The following RAB1A variants were observed in gnomAD, a reference collection of about 807,000 sequenced individuals.
RAB1A encodes ras-related protein Rab-1A.
A neutral mutation model predicts 26.0 loss-of-function variants in RAB1A; 2 were observed. The observed-to-expected ratio is 0.08, with a 90% CI of 0.03 to 0.24. The LOEUF (loss-of-function observed/expected upper bound fraction) is 0.24. Ranked by LOEUF, RAB1A falls within the 10% of genes least tolerant of loss-of-function variation. The probability of loss-of-function intolerance (pLI) is 1.00; values close to 1 mark genes in which losing one functional copy is unlikely to be tolerated. For synonymous variants in RAB1A, 84 were observed against 84.9 expected (o/e 0.99, Z 0.06); for missense variants, 100 against 247.0 (o/e 0.40, Z 3.99).
intron 2 of RAB1A, among the ~76,000 whole-genome samples, chr2:65,103,579 A>G (rs1669485983): frequency 6.6e-6 from 1 of 152,100 alleles, no homozygotes; most frequent in South Asian, 2.1e-4. Context: ...AGCCAATGTC[A>G]TCACTGAAAA....
chr2:65,095,232 G>A (rs1353784478), intron 3 of RAB1A, among the ~76,000 whole-genome samples: 3 of 151,950 alleles, frequency 2.0e-5, no homozygotes, highest in African/African-American at 7.3e-5. Context: ...ATGAGGTTTC[G>A]CCATGTTGCT....
intron 1 of RAB1A, among the ~76,000 whole-genome samples, chr2:65,106,138 A>G (rs1669552890): frequency 6.6e-6 from 1 of 151,426 alleles, no homozygotes; most frequent in Admixed American, 6.6e-5. Flanking sequence ...TCCTTCATGG[A>G]ACTAAGACAA....
chr2:65,125,941 G>T (rs1350349026), intron 1 of RAB1A, among the ~76,000 whole-genome samples: 1 of 133,518 alleles, frequency 7.5e-6, no homozygotes, highest in Admixed American at 8.5e-5. Flanking sequence ...GTGTGATCTC[G>T]GCTCACTGCA....
At chr2:65,091,779 T>C (rs113531980) in intron 3 of RAB1A, among the ~76,000 whole-genome samples, 1 of 152,000 alleles carries the variant, frequency 6.6e-6, no homozygotes, top group Non-Finnish European at 1.5e-5. Context: ...CCTAACTCAT[T>C]CTCCCAAAGT....
intron 3 of RAB1A, among the ~76,000 whole-genome samples, chr2:65,095,994 A>C (rs1227364573): frequency 3.3e-5 from 5 of 152,172 alleles, no homozygotes; most frequent in Non-Finnish European, 7.3e-5. Flanking sequence ...TCTACTAAAA[A>C]TACAAAAAAT....
Position 65,086,924 on chromosome 2 carries a change from T to C in RAB1A, c.*1569A>G, listed in dbSNP as rs1414237399. On this transcript the variant is annotated 3_prime_UTR_variant, in exon 6 of 6. Coordinates refer to ENST00000409784, the MANE Select transcript of RAB1A (RefSeq NM_004161.5). ...AAATTGAATATTCTGTCCATTTCAT[T>C]TTACAATTATCTTACCACTTATTTT... 1.3e-5 allele frequency: 2 copies of C among 152,638 alleles called. No homozygotes were observed. The highest frequency in any genetic ancestry group is 2.9e-5 in the Non-Finnish European group (2 of 68,036). 9.5% of individuals were successfully genotyped at this position (152,638 alleles called of 1,614,324 possible).
Position 65,119,195 on chromosome 2 carries a change from A to T in RAB1A, c.23+10698T>A, listed in dbSNP as rs144708974. On this transcript the variant is annotated intron_variant, in intron 1 of 5. Coordinates refer to ENST00000409784, the MANE Select transcript of RAB1A (RefSeq NM_004161.5). ...ACTCCAGCCTGGGTGACAGAGTGAG[A>T]CCCTGTCTCAAAAATAAAAAGTTCT... 6.4e-3 allele frequency among the ~76,000 whole-genome samples: 957 copies of T among 150,102 alleles called. 7 individuals carry two copies. Among genetic ancestry groups the T allele is most frequent in the Middle Eastern group, 0.021 (6 of 282 alleles).
intron 1 of RAB1A, among the ~76,000 whole-genome samples, chr2:65,123,390 G>A (rs1232678535): frequency 4.6e-5 from 7 of 151,666 alleles, no homozygotes; most frequent in Non-Finnish European, 8.8e-5. Context: ...GGATGGTCTC[G>A]ATCTCCTGAC....
At position 65,114,105 on chromosome 2, in the gene RAB1A, C is replaced by T. The variant is rs137993311; in HGVS notation, c.24-9299G>A. 1.3e-5 allele frequency: 6 copies of T among 459,482 alleles called. 1 individual carries two copies. Among genetic ancestry groups the T allele is most frequent in the African/African-American group, 1.0e-4 (5 of 49,060 alleles). 28.5% of individuals were successfully genotyped at this position (459,482 alleles called of 1,614,324 possible). On this transcript the variant is annotated intron_variant, in intron 1 of 5. Coordinates refer to ENST00000409784, the MANE Select transcript of RAB1A (RefSeq NM_004161.5). The stretch of plus-strand genomic sequence containing the variant: ...GTAAACAGACAGCAATGGCATACTC[C>T]CAATACAGCCACAAGTATATGAAGT...
intron 4 of RAB1A, among the ~76,000 whole-genome samples, chr2:65,089,885 T>G (rs1669130892): frequency 6.6e-6 from 1 of 152,172 alleles, no homozygotes; most frequent in African/African-American, 2.4e-5. Flanking sequence ...GTATTTTTAC[T>G]AGAGATGGGA....
Position 65,109,195 on chromosome 2 carries a change from C to T in RAB1A, c.24-4389G>A, listed in dbSNP as rs74633769. ...CGTTTTTATAATTTACAAAACACCACACAGTAAAAATGTTGATAGAAAATA... is the reference window on the plus strand; with the variant it reads ...CGTTTTTATAATTTACAAAACACCATACAGTAAAAATGTTGATAGAAAATA... On this transcript the variant is annotated intron_variant, in intron 1 of 5. Coordinates refer to ENST00000409784, the MANE Select transcript of RAB1A (RefSeq NM_004161.5). 6.7e-3 allele frequency among the ~76,000 whole-genome samples: 1,021 copies of T among 152,254 alleles called. 37 individuals are homozygous for T. Among genetic ancestry groups the T allele is most frequent in the Admixed American group, 0.056 (850 of 15,286 alleles).
At chr2:65,120,700 T>C (rs1669942711) in intron 1 of RAB1A, among the ~76,000 whole-genome samples, 1 of 151,970 alleles carries the variant, frequency 6.6e-6, no homozygotes, top group South Asian at 2.1e-4. Flanking sequence ...AGCAGATGCA[T>C]CAAATGTAAC....
chr2:65,110,213 G>A (rs1012980924), intron 1 of RAB1A, among the ~76,000 whole-genome samples: 1 of 151,910 alleles, frequency 6.6e-6, no homozygotes. Flanking sequence ...AGGCTGAGGC[G>A]GGCAGATCAC....
chr2:65,100,123 C>T (rs1008520210), intron 2 of RAB1A, among the ~76,000 whole-genome samples: 2 of 151,976 alleles, frequency 1.3e-5, no homozygotes, highest in Admixed American at 6.6e-5. Context: ...AAATATGGGC[C>T]GGGCATGATG....
chr2:65,115,692 T>C (rs1349591887), intron 1 of RAB1A, among the ~76,000 whole-genome samples: 2 of 152,066 alleles, frequency 1.3e-5, no homozygotes, highest in Non-Finnish European at 2.9e-5. Flanking sequence ...TCTCCAAATT[T>C]AAAGAAATAG....
At chr2:65,129,780 C>G in intron 1 of RAB1A, 113 bp downstream of exon 1, 1 of 1,504,648 alleles carries the variant, frequency 6.6e-7, no homozygotes, top group Non-Finnish European at 9.0e-7. Flanking sequence ...TGACCCATCA[C>G]CCTCGCCTCA....
chr2:65,103,415 A>G (rs781733937), intron 2 of RAB1A, among the ~76,000 whole-genome samples: 2 of 152,124 alleles, frequency 1.3e-5, no homozygotes. Context: ...TGTTTTGTCA[A>G]GGACAATCTT....
At chr2:65,107,491 G>T (rs529948579) in intron 1 of RAB1A, among the ~76,000 whole-genome samples, 2 of 151,858 alleles carry the variant, frequency 1.3e-5, no homozygotes, top group Admixed American at 1.3e-4. Context: ...TTTTTGGGGG[G>T]TGTTGTTTTT....
chr2:65,092,376 C>T (rs1669191009), intron 3 of RAB1A, among the ~76,000 whole-genome samples: 2 of 152,118 alleles, frequency 1.3e-5, no homozygotes, highest in East Asian at 3.8e-4. Context: ...ATCCAGGTTC[C>T]TGGTTATTTA....
Sources: gnomAD v4.1 joint callset for allele counts (sites outside exome capture counted in the v4.1 genomes callset) on GRCh38, gnomAD v4.1.1 for gene constraint, MANE v1.5 for transcripts, NCBI Gene and HGNC (gene_info 2026-07-23, HGNC 2026-07-21) for gene names.